Variants in DNAH2 observed in about 807,000 individuals in gnomAD.
The protein encoded by DNAH2 is dynein axonemal heavy chain 2.
In DNAH2, 323 loss-of-function variants were observed where a neutral mutation model predicts 523.5. The observed-to-expected ratio is 0.62, with a 90% CI of 0.56 to 0.68. The LOEUF is 0.68. Ranked by LOEUF, DNAH2 falls within the 30% of genes least tolerant of loss-of-function variation. DNAH2 has a pLI of 0.00. For missense variants in DNAH2, 4,907 were observed against 5,701.5 expected (o/e 0.86, Z 4.49); for synonymous variants, 2,093 against 2,177.4 (o/e 0.96, Z 1.08).
intron 20 of DNAH2, among the ~76,000 whole-genome samples, chr17:7,765,163 C>T (rs942284198): frequency 7.9e-5 from 12 of 152,138 alleles, no homozygotes; most frequent in Non-Finnish European, 1.2e-4. Flanking sequence ...AGAAAAGAGT[C>T]CTTAAAAACT....
At chr17:7,816,400 G>A (rs1019710271) in intron 63 of DNAH2, among the ~76,000 whole-genome samples, 171 bp from the exon 64 acceptor site, 1 of 152,166 alleles carries the variant, frequency 6.6e-6, no homozygotes. Flanking sequence ...TACTCTTCAC[G>A]ATAACCCTAT....
At position 7,818,696 on chromosome 17, in the gene DNAH2, G is replaced by A; in HGVS notation, c.10590G>A (p.Leu3530=). The A allele has an allele frequency of 1.9e-6, 3 of 1,614,072 alleles. No individual in the cohort carries two copies. Among genetic ancestry groups the A allele is most frequent in the Non-Finnish European group, 2.5e-6 (3 of 1,180,010 alleles). ...GIVVRKERPE[L]EEQKDSLVIN... ...TGGTGCGGAAGGAGCGGCCTGAGCT[G>A]GAGGAGCAGAAGGACTCACTGGTCA... The change falls in exon 70 of 86, where the codon CTG becomes CTA. Residue 3530 remains leucine (L), a synonymous_variant. Coordinates refer to ENST00000572933, the MANE Select transcript of DNAH2 (RefSeq NM_020877.5).
chr17:7,733,431 C>T, intron 5 of DNAH2, 116 bp downstream of exon 5: 1 of 884,500 alleles, frequency 1.1e-6, no homozygotes, highest in South Asian at 1.6e-5. Context: ...ATTCAGCATG[C>T]TTATCGAATT....
At position 7,719,774 on chromosome 17, in the gene DNAH2, C is replaced by T. The variant is rs149831565; in HGVS notation, c.40C>T (p.Arg14Ter). 4.3e-6 allele frequency: 7 copies of T among 1,613,996 alleles called. No homozygotes were observed. The highest frequency in any genetic ancestry group is 3.3e-5 in the Admixed American group (2 of 59,998). The part of the protein sequence containing the change: ...KAEKKQRLSG[R>*]GSSQASWSGR... Reference sequence around the variant, plus strand: ...TGAGAAGAAGCAGCGATTGAGTGGCCGAGGAAGCTCCCAGGCAAGCTGGTC... The same window carrying T: ...TGAGAAGAAGCAGCGATTGAGTGGCTGAGGAAGCTCCCAGGCAAGCTGGTC... The change falls in exon 2 of 86, where the codon CGA (arginine) becomes TGA (stop). Residue 14 changes from arginine (R) to a stop codon, truncating the protein, a stop_gained. Coordinates refer to ENST00000572933, the MANE Select transcript of DNAH2 (RefSeq NM_020877.5). LOFTEE classifies it high-confidence loss of function.
intron 27 of DNAH2, 30 bp from the exon 28 acceptor site, chr17:7,771,300 G>T (rs747181455): frequency 1.5e-5 from 25 of 1,613,768 alleles, no homozygotes; most frequent in Non-Finnish European, 1.9e-5. Context: ...GTAAGAAGTG[G>T]CCTCTCACCC....
chr17:7,726,917 T>A (rs2074830484), intron 3 of DNAH2, among the ~76,000 whole-genome samples: 1 of 152,192 alleles, frequency 6.6e-6, no homozygotes, highest in South Asian at 2.1e-4. Context: ...TGTTTGTTTG[T>A]TTGTTTGTTT....
At chr17:7,755,813 T>G (rs1020378005) in intron 12 of DNAH2, among the ~76,000 whole-genome samples, 1 of 151,786 alleles carries the variant, frequency 6.6e-6, no homozygotes, top group Admixed American at 6.6e-5. Context: ...TATCTCTTTT[T>G]TTTTTTTTGA....
intron 28 of DNAH2, 57 bp downstream of exon 28, chr17:7,771,525 A>T: frequency 6.3e-7 from 1 of 1,595,020 alleles, no homozygotes; most frequent in Non-Finnish European, 8.5e-7. Flanking sequence ...CTGCTTGGTC[A>T]TGGTTGCGTG....
At position 7,780,555 on chromosome 17, in the gene DNAH2, C is replaced by T; in HGVS notation, c.5851-75C>T. On this transcript the variant is annotated intron_variant, in intron 37 of 85. Transcript: ENST00000572933. The surrounding 1 kb of genome is among the most constrained non-coding windows in gnomAD (Gnocchi z 4.4). ...CATGTCCTGGGACCTGGCTTCTTGT[C>T]TCTGACTGTCCTGAGATGAAGCAGA... 6.3e-7 allele frequency: 1 copy of T among 1,585,894 alleles called. No homozygotes were observed. Among genetic ancestry groups the T allele is most frequent in the South Asian group, 1.1e-5 (1 of 88,734 alleles).
rs769940235 is a variant in DNAH2, at chr17:7,768,201, AAAT to A, written c.3877_3879del (p.Ile1293del). On this transcript the variant is annotated inframe_deletion, in exon 24 of 86. Coordinates refer to ENST00000572933, the MANE Select transcript of DNAH2 (RefSeq NM_020877.5). ...GAAATTATTGAAACCACTCGCTCAAAAATAGAGCAGTTCAAGAGGACCATGCCT... is the reference window on the plus strand; with the variant it reads ...GAAATTATTGAAACCACTCGCTCAAAAGAGCAGTTCAAGAGGACCATGCCT... 1 of 1,614,122 alleles carries A rather than the reference AAAT, an allele frequency of 6.2e-7. No individual in the cohort carries two copies. Among genetic ancestry groups the A allele is most frequent in the Admixed American group, 1.7e-5 (1 of 60,022 alleles).
At chr17:7,799,331 G>A in intron 56 of DNAH2, 89 bp downstream of exon 56, 2 of 1,543,530 alleles carry the variant, frequency 1.3e-6, no homozygotes, top group Non-Finnish European at 1.8e-6. Context: ...ATTAGTGTCA[G>A]GAATAACAGC....
rs778469639 is a variant in DNAH2 at position 7,805,407 on chromosome 17, A to G, written c.9442+14A>G. 3.7e-6 allele frequency: 6 copies of G among 1,613,774 alleles called. No individual in the cohort carries two copies. The African/African-American group carries it at 6.7e-5, about 18-fold the overall frequency. On this transcript the variant is annotated intron_variant, in intron 61 of 85. Transcript: ENST00000572933. ...AGAGGCAGCTAGGTAAGCTAGAGAC[A>G]ATGAAATCAATGACTTCCACTCACC...
chr17:7,817,584 C>T lies in DNAH2; in HGVS notation c.10044C>T (p.Cys3348=), dbSNP rs1483274395. ...IGKIWELQVP[C]SPSFAIDNFL... is the part of the protein sequence containing the mutation. ...AGATCTGGGAGCTTCAGGTTCCTTG[C>T]TCCCCTTCTTTCGCCATCGATAACT... The change falls in exon 66 of 86, where the codon TGC becomes TGT. Residue 3348 remains cysteine (C), a synonymous_variant. Coordinates refer to ENST00000572933, the MANE Select transcript of DNAH2 (RefSeq NM_020877.5). 5 of 1,614,170 alleles carry T rather than the reference C, an allele frequency of 3.1e-6. No homozygotes were observed. In the Admixed American group the frequency reaches 8.3e-5, roughly 27 times the overall value.
At chr17:7,741,254 C>T (rs1242097545) in intron 11 of DNAH2, among the ~76,000 whole-genome samples, 1 of 38,198 alleles carries the variant, frequency 2.6e-5, no homozygotes, top group Non-Finnish European at 4.5e-5. Flanking sequence ...TTCTTTCTTT[C>T]TTTCTTTCTT....
At position 7,770,911 on chromosome 17, in the gene DNAH2, A is replaced by T; in HGVS notation, c.4340A>T (p.Gln1447Leu). ...GTTATTGAGATGATTCTCACAGTGCAGCGTCAGTGGATGTACTTAGAGGTC... is the reference window on the plus strand; with the variant it reads ...GTTATTGAGATGATTCTCACAGTGCTGCGTCAGTGGATGTACTTAGAGGTC... ...LEVIEMILTV[Q>L]RQWMYLENIF... The change falls in exon 27 of 86, where the codon CAG becomes CTG. Residue 1447 changes from glutamine (Q) to leucine (L), a missense_variant. This residue lies in a region of DNAH2 where 2,806 missense variants were observed against 3,190.8 expected (regional missense o/e 0.88). Coordinates refer to ENST00000572933, the MANE Select transcript of DNAH2 (RefSeq NM_020877.5). 6.2e-7 allele frequency: 1 copy of T among 1,613,946 alleles called. No individual in the cohort carries two copies. Among genetic ancestry groups the T allele is most frequent in the East Asian group, 2.2e-5 (1 of 44,886 alleles).
At chr17:7,722,681 C>T (rs307625) in intron 2 of DNAH2, among the ~76,000 whole-genome samples, 16,321 of 152,034 alleles carry the variant, frequency 0.11, 1,998 homozygotes, top group African/African-American at 0.28. Flanking sequence ...ACTGTGTTTT[C>T]GAGGATCATC....
At chr17:7,777,916 A>G (rs1258562846) in intron 33 of DNAH2, among the ~76,000 whole-genome samples, 161 bp from the exon 34 acceptor site, 1 of 152,122 alleles carries the variant, frequency 6.6e-6, no homozygotes, top group East Asian at 1.9e-4. Context: ...CCCATTTTCC[A>G]TCTTGCCCAT....
At chr17:7,793,942 A>G (rs1031296447) in intron 48 of DNAH2, among the ~76,000 whole-genome samples, 3 of 152,190 alleles carry the variant, frequency 2.0e-5, no homozygotes, top group African/African-American at 7.2e-5. Context: ...AAAAGAAGAA[A>G]GAGAAAGTCT....
chr17:7,823,761 G>T, intron 74 of DNAH2, 73 bp from the exon 75 acceptor site: 1 of 1,586,506 alleles, frequency 6.3e-7, no homozygotes, highest in Non-Finnish European at 8.6e-7. Flanking sequence ...TTCCCGGCAG[G>T]TGCCCCTTTG....
Sources: allele counts gnomAD v4.1 joint callset (sites outside exome capture counted in the v4.1 genomes callset), GRCh38; gene constraint gnomAD v4.1.1; regional missense constraint gnomAD v4.1.1; non-coding constraint Gnocchi (gnomAD v3.1); transcripts MANE v1.5; gene names NCBI Gene and HGNC (gene_info 2026-07-23, HGNC 2026-07-21).